ESYT2: variants seen among roughly 807,000 people sequenced by gnomAD.
The protein encoded by ESYT2 is extended synaptotagmin 2, also known as extended synaptotagmin-2.
ESYT2 carries 54 observed loss-of-function variants against 107.2 expected under a neutral mutation model. That is an observed-to-expected ratio of 0.50 (90% CI 0.40 to 0.63). ESYT2 has a LOEUF of 0.63. Among genes scored for constraint, ESYT2 ranks in the 30% least tolerant of loss-of-function variants. The probability of loss-of-function intolerance (pLI) is 0.00; values close to 1 mark genes in which losing one functional copy is unlikely to be tolerated. For missense variants in ESYT2, 1,020 were observed against 1,094.5 expected, an observed-to-expected ratio of 0.93 and a Z score of 0.96; for synonymous variants, 491 against 434.1, an observed-to-expected ratio of 1.13 and a Z score of -1.63.
chr7:158,806,729 T>G (rs1839843158), intron 1 of ESYT2, among the ~76,000 whole-genome samples: 1 of 152,260 alleles, frequency 6.6e-6, no homozygotes, highest in African/African-American at 2.4e-5. Flanking sequence ...AATCGTGATT[T>G]AAGCTGAAGT....
chr7:158,803,952 AGAAGGGTGAGG>A lies in ESYT2; in HGVS notation c.331-4891_331-4881del, dbSNP rs1839727332. ...GGCGCGCGACAAACCCAAACCGTCGAGAAGGGTGAGGCGCGCGACAAACCCAAACCGTCGAG... is the reference window on the plus strand; with the variant it reads ...GGCGCGCGACAAACCCAAACCGTCGACGCGCGACAAACCCAAACCGTCGAG... On this transcript the variant is annotated intron_variant, in intron 1 of 22. Transcript: ENST00000275418. 1.5e-3 allele frequency among the ~76,000 whole-genome samples: 5 copies of A among 3,362 alleles called. 2 individuals are homozygous for A. Among genetic ancestry groups the A allele is most frequent in the African/African-American group, 4.2e-3 (5 of 1,202 alleles). The allele number at this position is 3,362 out of a possible 152,430, so 2.2% of individuals were successfully genotyped here.
At chr7:158,793,330 T>C (rs1452470447) in intron 4 of ESYT2, among the ~76,000 whole-genome samples, 2 of 152,218 alleles carry the variant, frequency 1.3e-5, no homozygotes, top group Non-Finnish European at 2.9e-5. Flanking sequence ...TAAAATCTTT[T>C]TAATATGCTG....
intron 20 of ESYT2, among the ~76,000 whole-genome samples, chr7:158,736,056 G>C (rs1836933125): frequency 6.6e-6 from 1 of 152,212 alleles, no homozygotes; most frequent in Non-Finnish European, 1.5e-5. Context: ...TCGCAGGAGG[G>C]AGAAGGCCTC....
In ESYT2 at chr7:158,784,580, TGG is replaced by T. The variant is rs774705320; in HGVS notation, c.747+3422_747+3423del. Reference sequence around the variant, plus strand: ...AGAGGGAGAGGAAAGCGAGCAGAGGTGGAGAGAGTCACGAAGGCTTTCGAATT... The same window carrying T: ...AGAGGGAGAGGAAAGCGAGCAGAGGTAGAGAGTCACGAAGGCTTTCGAATT... On this transcript the variant is annotated intron_variant, in intron 6 of 22. Coordinates refer to ENST00000275418, the MANE Select transcript of ESYT2 (RefSeq NM_001367773.1). 3.9e-4 allele frequency among the ~76,000 whole-genome samples: 60 copies of T among 152,278 alleles called. 1 individual carries two copies. The highest frequency in any genetic ancestry group is 3.3e-4 in the Admixed American group (5 of 15,296).
Position 158,824,269 on chromosome 7 carries a change from C to T in ESYT2, c.330+4820G>A, listed in dbSNP as rs895221030. 2.4e-4 allele frequency among the ~76,000 whole-genome samples: 36 copies of T among 152,298 alleles called. 3 individuals carry two copies. Among genetic ancestry groups the T allele is most frequent in the Admixed American group, 2.1e-3 (32 of 15,294 alleles). On this transcript the variant is annotated intron_variant, in intron 1 of 22. Coordinates refer to ENST00000275418, the MANE Select transcript of ESYT2 (RefSeq NM_001367773.1). The stretch of plus-strand genomic sequence containing the variant: ...AGCTACGATGAGGACTCCAACACTT[C>T]CTCAACCACATGACCACTCGGATTC...
At chr7:158,773,237 C>T in intron 7 of ESYT2, 104 bp downstream of exon 7, 1 of 1,262,570 alleles carries the variant, frequency 7.9e-7, no homozygotes, top group Non-Finnish European at 1.2e-6. Context: ...ACCCATTCAC[C>T]TGGCAGACGC....
In ESYT2 at chr7:158,752,818, T is replaced by G; in HGVS notation, c.1445A>C (p.Asp482Ala). Residue 482 changes from aspartate to alanine, a missense_variant, in exon 14 of 23, where the codon GAT becomes GCT. Coordinates refer to ENST00000275418, the MANE Select transcript of ESYT2 (RefSeq NM_001367773.1). The part of the protein sequence containing the change: ...LPSNPLEFNP[D>A]VLKKTAVQRA... ...CTGAACTGCAGTCTTCTTCAAGACA[T>G]CGGGGTTAAATTCTAATGGGTTACT... The G allele has an allele frequency of 7.7e-7, 1 of 1,304,240 alleles. No individual in the cohort carries two copies. The highest frequency in any genetic ancestry group is 1.2e-5 in the South Asian group (1 of 81,024). 80.8% of individuals were successfully genotyped at this position (1,304,240 alleles called of 1,614,324 possible).
intron 11 of ESYT2, among the ~76,000 whole-genome samples, chr7:158,761,090 C>G (rs1021200176): frequency 6.6e-6 from 1 of 152,202 alleles, no homozygotes; most frequent in Non-Finnish European, 1.5e-5. Context: ...CTACAGGCAT[C>G]TCTCACGTGA....
At chr7:158,810,687 G>GGAA (rs1277791918) in intron 1 of ESYT2, among the ~76,000 whole-genome samples, 2 of 140,304 alleles carry the variant, frequency 1.4e-5, no homozygotes, top group African/African-American at 5.6e-5. Context: ...GTCTTGGGGG[G>GGAA]GAAAAAAAAA....
intron 12 of ESYT2, 135 bp downstream of exon 12, chr7:158,759,923 G>C (rs1003484829): frequency 8.0e-6 from 6 of 753,860 alleles, no homozygotes; most frequent in Admixed American, 2.7e-5. Context: ...TGCTACTGTA[G>C]TGACTTATTA....
At chr7:158,771,628 T>C (rs1268530149) in intron 7 of ESYT2, among the ~76,000 whole-genome samples, 3 of 152,086 alleles carry the variant, frequency 2.0e-5, no homozygotes, top group Non-Finnish European at 4.4e-5. Flanking sequence ...CCACCCTGCA[T>C]GGGTGGGGAG....
Position 158,743,756 on chromosome 7 carries a change from A to G in ESYT2, c.1645-78T>C, listed in dbSNP as rs1247719916. ...CCTTTCTACGTTGTCTACGCTCCTG[A>G]CCCTTTGTCCTCAGAGATAGGAACT... is the stretch of plus-strand genomic sequence containing the variant. On this transcript the variant is annotated intron_variant, in intron 16 of 22. Transcript: ENST00000275418. The G allele has an allele frequency of 2.7e-6, 4 of 1,463,980 alleles. No individual in the cohort carries two copies. The African/African-American group carries it at 5.9e-5, about 22-fold the overall frequency. The allele number at this position is 1,463,980 out of a possible 1,614,324, so 90.7% of individuals were successfully genotyped here.
At chr7:158,772,725 G>A (rs1838415698) in intron 7 of ESYT2, among the ~76,000 whole-genome samples, 1 of 151,960 alleles carries the variant, frequency 6.6e-6, no homozygotes, top group Admixed American at 6.6e-5. Flanking sequence ...GCTTGTTATG[G>A]AACATTTTTC....
intron 17 of ESYT2, among the ~76,000 whole-genome samples, chr7:158,742,532 G>A (rs1050407402): frequency 6.6e-6 from 1 of 152,134 alleles, no homozygotes; most frequent in African/African-American, 2.4e-5. Context: ...GTTTCCACCC[G>A]GCGTCCCCAG....
At chr7:158,827,245 C>G (rs1181350104) in intron 1 of ESYT2, among the ~76,000 whole-genome samples, 1 of 151,774 alleles carries the variant, frequency 6.6e-6, no homozygotes, top group Non-Finnish European at 1.5e-5. Flanking sequence ...TAGCCAATAA[C>G]CAAGTATCTA....
chr7:158,759,450 A>C, intron 13 of ESYT2, 36 bp downstream of exon 13: 1 of 1,528,758 alleles, frequency 6.5e-7, no homozygotes, highest in Non-Finnish European at 9.0e-7. Flanking sequence ...CTGCTAGGAA[A>C]TACGCACCCA....
At chr7:158,806,058 CGGCGCCGGGGCACACCGCGTGGGA>C (rs1288819691) in intron 1 of ESYT2, among the ~76,000 whole-genome samples, 22 of 76,756 alleles carry the variant, frequency 2.9e-4, no homozygotes, top group African/African-American at 5.0e-4. Context: ...GCAGCAGAGC[CGGCGCCGGGGCACACCGCGTGGGA>C]GGCGCCGGGG....
chr7:158,819,519 T>C (rs925809450), intron 1 of ESYT2, among the ~76,000 whole-genome samples: 1 of 152,210 alleles, frequency 6.6e-6, no homozygotes, highest in African/African-American at 2.4e-5. Flanking sequence ...AAGAATAACA[T>C]ACTATCCATA....
chr7:158,760,667 G>T (rs906836864), intron 11 of ESYT2, among the ~76,000 whole-genome samples: 2 of 152,160 alleles, frequency 1.3e-5, no homozygotes, highest in African/African-American at 4.8e-5. Context: ...ATACAACATT[G>T]ATTCCAAATA....
Sources: allele counts gnomAD v4.1 joint callset (sites outside exome capture counted in the v4.1 genomes callset), GRCh38; gene constraint gnomAD v4.1.1; transcripts MANE v1.5; gene names NCBI Gene and HGNC (gene_info 2026-07-23, HGNC 2026-07-21).